The following CYP19A1 variants were observed in gnomAD, a reference collection of about 807,000 sequenced individuals.
CYP19A1 encodes the protein cytochrome P450 family 19 subfamily A member 1.
CYP19A1 carries 32 observed loss-of-function variants against 44.4 expected under a neutral mutation model. The observed-to-expected ratio is 0.72, with a 90% confidence interval of 0.54 to 0.97. The LOEUF is 0.97. Among genes scored for constraint, CYP19A1 ranks in the 50% least tolerant of loss-of-function variants. The pLI is 0.00. For synonymous variants in CYP19A1, 212 were observed against 215.6 expected (o/e 0.98, Z 0.14); for missense variants, 598 against 637.8 (o/e 0.94, Z 0.67).
intron 1 of CYP19A1, among the ~76,000 whole-genome samples, chr15:51,260,208 T>C (rs1158711527): frequency 6.6e-6 from 1 of 152,226 alleles, no homozygotes; most frequent in African/African-American, 2.4e-5. Context: ...CAGATTCAGA[T>C]GTATTTTGAG....
chr15:51,232,682 G>A (rs2033120565), intron 3 of CYP19A1, among the ~76,000 whole-genome samples: 4 of 151,926 alleles, frequency 2.6e-5, no homozygotes, highest in Admixed American at 2.0e-4. Flanking sequence ...CAGCAAGTCT[G>A]TTGGCTTTGC....
At chr15:51,220,134 G>A (rs549546948) in intron 5 of CYP19A1, among the ~76,000 whole-genome samples, 8 of 152,272 alleles carry the variant, frequency 5.3e-5, no homozygotes, top group East Asian at 3.9e-4. Flanking sequence ...TTGTTCCTCC[G>A]CCTGGAGTGT....
At chr15:51,294,699 CGGCCAGCCGCCCCGTCT>C (rs1224148783) in intron 1 of CYP19A1, among the ~76,000 whole-genome samples, 42 of 141,724 alleles carry the variant, frequency 3.0e-4, no homozygotes, top group South Asian at 2.2e-4. Context: ...GCCCCCCGCC[CGGCCAGCCGCCCCGTCT>C]GGCCAGCCGC....
In CYP19A1 at chr15:51,311,028, C is replaced by T. The variant is rs141118666; in HGVS notation, c.-39+27467G>A. On this transcript the variant is annotated intron_variant, in intron 1 of 9. Transcript: ENST00000396402. ...CTAAAACAAAACAAAACTCAACATG[C>T]TTTATGATTTTAACAGGACCCAGAG... Among the ~76,000 whole-genome samples the T allele has an allele frequency of 2.8e-4, 43 of 152,252 alleles. No homozygotes were observed. The East Asian group carries it at 8.1e-3, about 29-fold the overall frequency.
chr15:51,218,760 C>G (rs549986483), intron 5 of CYP19A1, 105 bp from the exon 6 acceptor site: 8 of 1,528,092 alleles, frequency 5.2e-6, no homozygotes, highest in Non-Finnish European at 5.3e-6. Context: ...ATTCTCCTAA[C>G]AGTCTGGGGG....
At chr15:51,214,795 C>T (rs2031400169) in intron 8 of CYP19A1, among the ~76,000 whole-genome samples, 3 of 152,082 alleles carry the variant, frequency 2.0e-5, no homozygotes, top group Admixed American at 6.6e-5. Flanking sequence ...GAGAGGAGAG[C>T]GGAAAGGATT....
intron 1 of CYP19A1, among the ~76,000 whole-genome samples, chr15:51,268,523 C>CG (rs1555394974): frequency 2.5e-5 from 1 of 40,492 alleles, no homozygotes; most frequent in Non-Finnish European, 5.4e-5. Flanking sequence ...TTTCCTTCCC[C>CG]CCCCCCCTTT....
At chr15:51,323,154 A>G (rs1163175657) in intron 1 of CYP19A1, among the ~76,000 whole-genome samples, 1 of 152,148 alleles carries the variant, frequency 6.6e-6, no homozygotes, top group Non-Finnish European at 1.5e-5. Context: ...CCTCTCCCCA[A>G]ACCCCTACCA....
intron 1 of CYP19A1, 193 bp from the exon 2 acceptor site, chr15:51,243,143 T>A: frequency 1.9e-6 from 1 of 530,246 alleles, no homozygotes; most frequent in East Asian, 3.5e-5. Context: ...TGGCTTGAAT[T>A]GCAGCATTTC....
At chr15:51,319,030 T>G (rs562037966) in intron 1 of CYP19A1, 15 of 152,232 alleles carry the variant, frequency 9.9e-5, no homozygotes, top group African/African-American at 3.6e-4. Flanking sequence ...TCAGCCCCTC[T>G]GCATTCATTG....
chr15:51,262,700 C>T (rs1025545749), intron 1 of CYP19A1, among the ~76,000 whole-genome samples: 1 of 152,132 alleles, frequency 6.6e-6, no homozygotes, highest in African/African-American at 2.4e-5. Flanking sequence ...TCCTGTTCTG[C>T]AATAAAGAAA....
intron 1 of CYP19A1, among the ~76,000 whole-genome samples, chr15:51,296,502 G>C (rs531923545): frequency 6.6e-6 from 1 of 152,284 alleles, no homozygotes; most frequent in African/African-American, 2.4e-5. Flanking sequence ...CTCTAAACTG[G>C]TGATCCCCAG....
At chr15:51,228,024 A>G (rs1305718691) in intron 3 of CYP19A1, 91 bp from the exon 4 acceptor site, 4 of 782,486 alleles carry the variant, frequency 5.1e-6, no homozygotes, top group East Asian at 2.4e-5. Context: ...CTCTTAGCAA[A>G]TGCATGTTGC....
At chr15:51,258,503 C>G (rs1318643442) in intron 1 of CYP19A1, among the ~76,000 whole-genome samples, 16 of 152,186 alleles carry the variant, frequency 1.1e-4, no homozygotes, top group Admixed American at 1.0e-3. Flanking sequence ...CCTGTATGTG[C>G]CTCAGCCTCG....
At chr15:51,217,222 C>T (rs868552110) in intron 6 of CYP19A1, among the ~76,000 whole-genome samples, 2 of 152,188 alleles carry the variant, frequency 1.3e-5, no homozygotes, top group African/African-American at 4.8e-5. Flanking sequence ...AATGCCCCAG[C>T]CTCTAAATTC....
intron 1 of CYP19A1, chr15:51,279,261 C>A (rs1037170585): frequency 7.2e-5 from 11 of 152,238 alleles, no homozygotes; most frequent in Non-Finnish European, 1.6e-4. Context: ...ATTCAAGAAG[C>A]CTTCATGCCC....
At chr15:51,237,638 G>A (rs2414097) in intron 2 of CYP19A1, among the ~76,000 whole-genome samples, 104,719 of 152,132 alleles carry the variant, frequency 0.69, 36,295 homozygotes, top group African/African-American at 0.78. Context: ...CTAAGAGATG[G>A]GGAGTCAGGC....
chr15:51,210,775 A>C lies in CYP19A1; in HGVS notation c.*33T>G. 2.9e-6 allele frequency: 4 copies of C among 1,365,300 alleles called. No individual in the cohort carries two copies. Among genetic ancestry groups the C allele is most frequent in the Non-Finnish European group, 4.2e-6 (4 of 951,556 alleles). The allele number at this position is 1,365,300 out of a possible 1,614,324, so 84.6% of individuals were successfully genotyped here. A position where few individuals can be genotyped will look rare whatever the true frequency, so the allele number is the denominator to read the frequency against. ...GATTTGTATGTGAACTACTGATGAGAAATGCTCCAGAGTGGGTACTGACCA... is the reference window on the plus strand; with the variant it reads ...GATTTGTATGTGAACTACTGATGAGCAATGCTCCAGAGTGGGTACTGACCA... On this transcript the variant is annotated 3_prime_UTR_variant, in exon 10 of 10. Transcript: ENST00000396402.
chr15:51,315,242 C>T (rs914230131), intron 1 of CYP19A1, among the ~76,000 whole-genome samples: 1 of 152,180 alleles, frequency 6.6e-6, no homozygotes, highest in African/African-American at 2.4e-5. Flanking sequence ...GCAGTCCGGT[C>T]AGAAGGTTAT....
Sources: gnomAD v4.1 joint callset for allele counts (sites outside exome capture counted in the v4.1 genomes callset) on GRCh38, gnomAD v4.1.1 for gene constraint, MANE v1.5 for transcripts, NCBI Gene and HGNC (gene_info 2026-07-23, HGNC 2026-07-21) for gene names.